The following MARVELD2 variants were observed in gnomAD, a reference collection of about 807,000 sequenced individuals.
MARVELD2 encodes MARVEL domain containing 2, also known as MARVEL domain-containing protein 2.
Under a neutral mutation model 57.6 loss-of-function variants are expected in MARVELD2, and 49 were observed. The ratio of observed to expected loss-of-function variants is 0.85; its 90% CI spans 0.68 to 1.08. The LOEUF is 1.08. MARVELD2 is among the 50% of genes least tolerant of loss of function. The pLI, the probability that MARVELD2 is intolerant of heterozygous loss-of-function variation, is 0.00. For synonymous variants in MARVELD2, 238 were observed against 258.8 expected, an observed-to-expected ratio of 0.92 and a Z score of 0.77; for missense variants, 606 against 701.1, an observed-to-expected ratio of 0.86 and a Z score of 1.53.
chr5:69,442,718 C>T lies in MARVELD2; in HGVS notation c.*1064C>T, dbSNP rs1415042610. 1 of 152,270 alleles carries T rather than the reference C, an allele frequency of 6.6e-6. No homozygotes were observed. Among genetic ancestry groups the T allele is most frequent in the East Asian group, 1.9e-4 (1 of 5,196 alleles). The allele number at this position is 152,270 out of a possible 1,614,324, so 9.4% of individuals were successfully genotyped here. On this transcript the variant is annotated 3_prime_UTR_variant, in exon 7 of 7. Coordinates refer to ENST00000325631, the MANE Select transcript of MARVELD2 (RefSeq NM_001038603.3). ...GTGCTTCACTGTGGCTCTGTGGCCC[C>T]TGGGGTTCCACATGGCCTCCCTGTC...
At chr5:69,434,595 C>T (rs1228725454) in intron 5 of MARVELD2, among the ~76,000 whole-genome samples, 2 of 152,078 alleles carry the variant, frequency 1.3e-5, no homozygotes, top group Non-Finnish European at 2.9e-5. Flanking sequence ...GAGGCTTAAG[C>T]TTTTTCGTAG....
In MARVELD2 at chr5:69,419,753, G is replaced by C; in HGVS notation, c.368G>C (p.Arg123Thr). Residue 123 changes from arginine (R) to threonine (T), a missense_variant, in exon 2 of 7, where the codon AGA (arginine) becomes ACA (threonine). Arg to Thr is a moderately conservative substitution (Grantham distance 71, BLOSUM62 -1). Coordinates refer to ENST00000325631, the MANE Select transcript of MARVELD2 (RefSeq NM_001038603.3). Reference sequence around the variant, plus strand: ...TGTTCACCACCAGCCTCTCCAGCAAGACCAAACCACCGTTCGCCCCTCAAC... The same window carrying C: ...TGTTCACCACCAGCCTCTCCAGCAACACCAAACCACCGTTCGCCCCTCAAC... ...VECSPPASPA[R>T]PNHRSPLNSC... The C allele has an allele frequency of 1.2e-6, 2 of 1,614,146 alleles. No homozygotes were observed. The highest frequency in any genetic ancestry group is 1.7e-6 in the Non-Finnish European group (2 of 1,180,032).
rs756280174 is a variant in MARVELD2, at chr5:69,444,272, G to T, written c.*2618G>T. ...TAGCATTCCTGTGTTCACTGTGCAT[G>T]TTCTTGAAAATATTTTCACTTGTCA... On this transcript the variant is annotated 3_prime_UTR_variant, in exon 7 of 7. Coordinates refer to ENST00000325631, the MANE Select transcript of MARVELD2 (RefSeq NM_001038603.3). 1 of 152,014 alleles carries T rather than the reference G, an allele frequency of 6.6e-6. No individual in the cohort carries two copies. Among genetic ancestry groups the T allele is most frequent in the Non-Finnish European group, 1.5e-5 (1 of 68,020 alleles). 9.4% of individuals were successfully genotyped at this position (152,014 alleles called of 1,614,324 possible).
intron 1 of MARVELD2, among the ~76,000 whole-genome samples, chr5:69,417,013 C>A (rs1439176828): frequency 1.3e-5 from 2 of 152,198 alleles, no homozygotes; most frequent in African/African-American, 4.8e-5. Context: ...ATTCAGATGG[C>A]CTCAGTTCTA....
intron 2 of MARVELD2, among the ~76,000 whole-genome samples, chr5:69,421,345 G>C (rs1045179197): frequency 1.3e-5 from 2 of 152,086 alleles, no homozygotes; most frequent in Non-Finnish European, 2.9e-5. Context: ...TTCTTCCAAG[G>C]ATATGTGTAT....
chr5:69,420,653 C>G (rs962807782), intron 2 of MARVELD2, 122 bp downstream of exon 2: 21 of 988,546 alleles, frequency 2.1e-5, no homozygotes, highest in Non-Finnish European at 3.1e-5. Context: ...TTTCTTTCTT[C>G]CTTTTTTTTT....
chr5:69,436,873 A>G (rs1767160786), intron 5 of MARVELD2, among the ~76,000 whole-genome samples: 1 of 152,070 alleles, frequency 6.6e-6, no homozygotes, highest in South Asian at 2.1e-4. Flanking sequence ...CTGTAATCCT[A>G]GCAGTTTGGG....
rs1292265355 is a variant in MARVELD2 at position 69,436,048 on chromosome 5, T to C, written c.1503+2955T>C. Among the ~76,000 whole-genome samples the C allele has an allele frequency of 3.3e-5, 5 of 152,196 alleles. No homozygotes were observed. The South Asian group carries it at 1.0e-3, about 31-fold the overall frequency. ...TATCCATTTATCAAGAGATAGACAT[T>C]TGGTCATTTCCAAATGTCTATATAG... On this transcript the variant is annotated intron_variant, in intron 5 of 6. Coordinates refer to ENST00000325631, the MANE Select transcript of MARVELD2 (RefSeq NM_001038603.3).
At position 69,419,930 on chromosome 5, in the gene MARVELD2, G is replaced by A; in HGVS notation, c.545G>A (p.Arg182Lys). 6.2e-7 allele frequency: 1 copy of A among 1,614,146 alleles called. No homozygotes were observed. Among genetic ancestry groups the A allele is most frequent in the Non-Finnish European group, 8.5e-7 (1 of 1,180,030 alleles). Residue 182 changes from arginine (R) to lysine (K), a missense_variant, in exon 2 of 7, where the codon AGA becomes AAA. Arg to Lys is a conservative substitution (Grantham distance 26). Coordinates refer to ENST00000325631, the MANE Select transcript of MARVELD2 (RefSeq NM_001038603.3). ...YSEKVEEYNL[R>K]YSYMKSWAGL... ...GAGAAGGTGGAGGAGTATAACCTGA[G>A]ATACTCCTACATGAAGTCGTGGGCA...
chr5:69,424,837 C>T (rs1246990931), intron 3 of MARVELD2, among the ~76,000 whole-genome samples: 1 of 151,936 alleles, frequency 6.6e-6, no homozygotes, highest in Non-Finnish European at 1.5e-5. Flanking sequence ...CCAGCCTGGC[C>T]AAAATGGTGA....
At position 69,433,010 on chromosome 5, in the gene MARVELD2, G is replaced by A. The variant is rs1767014004; in HGVS notation, c.1420G>A (p.Ala474Thr). The part of the protein sequence containing the change: ...DQFSEYKELS[A>T]EVQAVLRKFD... ...GTTTTCAGAGTACAAAGAGCTGTCT[G>A]CAGAAGTTCAGGCTGTCCTGAGGAA... The change falls in exon 5 of 7, where the codon GCA becomes ACA. Residue 474 changes from alanine to threonine, a missense_variant. Coordinates refer to ENST00000325631, the MANE Select transcript of MARVELD2 (RefSeq NM_001038603.3). 4 of 1,614,104 alleles carry A rather than the reference G, an allele frequency of 2.5e-6. No homozygotes were observed. The South Asian group carries it at 4.4e-5, about 18-fold the overall frequency.
chr5:69,438,902 T>A (rs1276359074), intron 5 of MARVELD2, among the ~76,000 whole-genome samples: 3 of 149,984 alleles, frequency 2.0e-5, no homozygotes, highest in Non-Finnish European at 4.4e-5. Context: ...TAAAAAAAAA[T>A]AAATATAAAT....
At chr5:69,432,721 C>T in intron 4 of MARVELD2, 46 bp downstream of exon 4, 1 of 1,612,834 alleles carries the variant, frequency 6.2e-7, no homozygotes, top group East Asian at 2.2e-5. Flanking sequence ...GTTGAGGGGC[C>T]CCATTTGGTC....
At chr5:69,420,630 T>C in intron 2 of MARVELD2, 99 bp downstream of exon 2, 1 of 1,202,766 alleles carries the variant, frequency 8.3e-7, no homozygotes. Context: ...ACAGAAAGCT[T>C]TCATAGAAAT....
At chr5:69,427,976 G>A (rs956581549) in intron 3 of MARVELD2, among the ~76,000 whole-genome samples, 116 of 152,206 alleles carry the variant, frequency 7.6e-4, no homozygotes, top group Middle Eastern at 3.4e-3. Flanking sequence ...GCCAGGCATG[G>A]TGGTGCATGC....
At chr5:69,440,542 T>TA (rs756493066) in intron 6 of MARVELD2, 42 bp downstream of exon 6, 2 of 1,106,802 alleles carry the variant, frequency 1.8e-6, no homozygotes, top group Middle Eastern at 2.0e-4. Context: ...CTTATCCAAG[T>TA]ACATATGTGA....
intron 2 of MARVELD2, 41 bp downstream of exon 2, chr5:69,420,572 G>A: frequency 6.4e-7 from 1 of 1,574,202 alleles, no homozygotes; most frequent in Non-Finnish European, 8.7e-7. Flanking sequence ...GTGTATGTTT[G>A]TTTTTTCTGT....
At chr5:69,429,088 G>A (rs1218445221) in intron 3 of MARVELD2, among the ~76,000 whole-genome samples, 1 of 151,910 alleles carries the variant, frequency 6.6e-6, no homozygotes, top group Non-Finnish European at 1.5e-5. Flanking sequence ...TACTCTGCTC[G>A]CCACTCATGT....
At chr5:69,437,279 G>C (rs532145215) in intron 5 of MARVELD2, among the ~76,000 whole-genome samples, 1 of 151,548 alleles carries the variant, frequency 6.6e-6, no homozygotes, top group Non-Finnish European at 1.5e-5. Flanking sequence ...TACTCGGGAA[G>C]TCTGAGGCAG....
Sources: allele counts gnomAD v4.1 joint callset (sites outside exome capture counted in the v4.1 genomes callset), GRCh38; gene constraint gnomAD v4.1.1; transcripts MANE v1.5; gene names NCBI Gene and HGNC (gene_info 2026-07-23, HGNC 2026-07-21).